GLRA2: variants seen among roughly 807,000 people sequenced by gnomAD.
GLRA2 encodes the protein glycine receptor alpha 2.
GLRA2 carries 11 observed loss-of-function variants against 31.6 expected under a neutral mutation model. That is an observed-to-expected ratio of 0.35 (90% CI 0.22 to 0.58). GLRA2 has a LOEUF of 0.58. GLRA2 is among the 20% of genes least tolerant of loss of function. The pLI, the probability that GLRA2 is intolerant of heterozygous loss-of-function variation, is 0.84. For missense variants in GLRA2, 212 were observed against 351.8 expected, an observed-to-expected ratio of 0.60 and a Z score of 3.18; for synonymous variants, 132 against 134.0, an observed-to-expected ratio of 0.99 and a Z score of 0.10.
At chrX:14,577,323 A>C (rs2089968212) in intron 3 of GLRA2, among the ~76,000 whole-genome samples, 1 of 113,356 alleles carries the variant, frequency 8.8e-6, no homozygotes, top group South Asian at 3.6e-4. Flanking sequence ...CACAGGCCAT[A>C]GGTTGCCAGC....
At chrX:14,453,104 T>G in the GLRA2 span, among the ~76,000 whole-genome samples, 1 of 111,531 alleles carries the variant, frequency 9.0e-6, no homozygotes, top group African/African-American at 3.3e-5. Flanking sequence ...AGGGGATTGG[T>G]TGGAAAAGAG....
chrX:14,579,656 T>C (rs1437095112), intron 3 of GLRA2, among the ~76,000 whole-genome samples: 8 of 111,915 alleles, frequency 7.1e-5, no homozygotes, highest in African/African-American at 2.6e-4. Flanking sequence ...TAAACAAACA[T>C]ATAAGGTGAC....
intron 7 of GLRA2, among the ~76,000 whole-genome samples, chrX:14,636,757 G>A (rs758853501): frequency 9.5e-4 from 106 of 111,424 alleles, no homozygotes; most frequent in Non-Finnish European, 1.8e-3. Context: ...CTAGGTGTGC[G>A]GTTTATGAAA....
intron 2 of GLRA2, among the ~76,000 whole-genome samples, chrX:14,565,741 A>C (rs547761250): frequency 8.9e-6 from 1 of 111,951 alleles, no homozygotes; most frequent in Middle Eastern, 4.7e-3. Flanking sequence ...TACCGTCTTA[A>C]TAAATCAAAG....
the GLRA2 span, among the ~76,000 whole-genome samples, chrX:14,480,376 C>A: frequency 4.5e-5 from 5 of 111,867 alleles, no homozygotes; most frequent in African/African-American, 1.6e-4. Context: ...AATTAGGTCA[C>A]ACTTGTCAAT....
At chrX:14,490,566 C>A in the GLRA2 span, among the ~76,000 whole-genome samples, 1 of 112,397 alleles carries the variant, frequency 8.9e-6, no homozygotes, top group Non-Finnish European at 1.9e-5. Context: ...CGGTTCCATT[C>A]CACAGTTTGC....
intron 7 of GLRA2, among the ~76,000 whole-genome samples, chrX:14,654,557 T>C (rs1222957835): frequency 3.6e-5 from 4 of 112,111 alleles, no homozygotes; most frequent in East Asian, 2.8e-4. Context: ...TTCTGAGGTA[T>C]GCCTGTAGTT....
intron 8 of GLRA2, among the ~76,000 whole-genome samples, chrX:14,706,723 G>T (rs908306334): frequency 8.9e-6 from 1 of 111,973 alleles, no homozygotes; most frequent in East Asian, 2.8e-4. Context: ...GAAATGATCT[G>T]AAATGGCATG....
chrX:14,534,722 G>C (rs963651522), intron 2 of GLRA2, among the ~76,000 whole-genome samples: 4 of 109,884 alleles, frequency 3.6e-5, no homozygotes, highest in African/African-American at 1.3e-4. Context: ...CCAAGACAGA[G>C]AGGAAAAGGT....
At position 14,555,286 on chromosome X, in the gene GLRA2, T is replaced by G. The variant is rs1039171391; in HGVS notation, c.203-19047T>G. On this transcript the variant is annotated intron_variant, in intron 2 of 8. Transcript: ENST00000218075. ...AGTAGCTGATATTTCACATTTACAT[T>G]ATCTCATTCAGTTCTCCCAATGAAC... Among the ~76,000 whole-genome samples the G allele has an allele frequency of 1.5e-4, 17 of 112,201 alleles. 1 individual carries two copies. The highest frequency in any genetic ancestry group is 1.2e-3 in the Admixed American group (13 of 10,623).
chrX:14,544,489 T>C (rs1234095832), intron 2 of GLRA2, among the ~76,000 whole-genome samples: 2 of 111,676 alleles, frequency 1.8e-5, no homozygotes, highest in Admixed American at 9.5e-5. Context: ...TTGCTGAGAA[T>C]AGTTTTTCCA....
rs201192940 is a variant in GLRA2, at chrX:14,568,710, G to GA, written c.203-5619dup. Among the ~76,000 whole-genome samples, 943 of 96,101 alleles carry GA rather than the reference G, an allele frequency of 9.8e-3. 20 individuals carry two copies. The highest frequency in any genetic ancestry group is 0.017 in the African/African-American group (449 of 25,978). The allele number at this position is 96,101 out of a possible 115,157, so 83.5% of individuals were successfully genotyped here. ...TCTGTCTCAAAAAAAAAAAAAAAAA[G>GA]AAAAGAAAAAAAAGAAATAGTGCTG... On this transcript the variant is annotated intron_variant, in intron 2 of 8. Coordinates refer to ENST00000218075, the MANE Select transcript of GLRA2 (RefSeq NM_002063.4).
intron 7 of GLRA2, among the ~76,000 whole-genome samples, chrX:14,659,618 G>C (rs762245492): frequency 4.5e-5 from 5 of 110,853 alleles, no homozygotes; most frequent in Non-Finnish European, 9.4e-5. Context: ...CCCTGAGTCT[G>C]GGGGAAGGCA....
At chrX:14,698,280 C>T (rs2091478364) in intron 8 of GLRA2, among the ~76,000 whole-genome samples, 1 of 111,749 alleles carries the variant, frequency 8.9e-6, no homozygotes, top group African/African-American at 3.3e-5. Flanking sequence ...TGAGGCCTCA[C>T]TTGTTTTCCC....
At chrX:14,484,418 G>A in the GLRA2 span, among the ~76,000 whole-genome samples, 333 of 112,085 alleles carry the variant, frequency 3.0e-3, 1 homozygote, top group African/African-American at 0.01. Flanking sequence ...CAATTTTCAA[G>A]AAACACCAAG....
At position 14,718,576 on chromosome X, in the gene GLRA2, C is replaced by T. The variant is rs181007683; in HGVS notation, c.1081-11631C>T. ...CTACATGATGTCTGACATATTAGCT[C>T]AGACGATTCAAAGACACATGATTAT... On this transcript the variant is annotated intron_variant, in intron 8 of 8. Coordinates refer to ENST00000218075, the MANE Select transcript of GLRA2 (RefSeq NM_002063.4). 4.5e-5 allele frequency among the ~76,000 whole-genome samples: 5 copies of T among 111,971 alleles called. No homozygotes were observed. In the South Asian group the frequency reaches 1.5e-3, roughly 33 times the overall value.
At chrX:14,728,805 C>A (rs138950228) in intron 8 of GLRA2, among the ~76,000 whole-genome samples, 168 of 112,627 alleles carry the variant, frequency 1.5e-3, no homozygotes, top group African/African-American at 5.2e-3. Flanking sequence ...AGAAGCAAAT[C>A]TGTTCTGCCT....
chrX:14,588,868 A>G (rs2090110768), intron 4 of GLRA2, among the ~76,000 whole-genome samples: 1 of 109,893 alleles, frequency 9.1e-6, no homozygotes, highest in Admixed American at 9.7e-5. Context: ...TCTTAATTTT[A>G]CTCTCAGCTG....
rs959790423 is a variant in GLRA2 at position 14,701,377 on chromosome X, A to G, written c.1080+10518A>G. On this transcript the variant is annotated intron_variant, in intron 8 of 8. Coordinates refer to ENST00000218075, the MANE Select transcript of GLRA2 (RefSeq NM_002063.4). ...AGGACTGACTGAAATAAAAATGGGC[A>G]ACCCCTGGTTCAAAAACAATTAAGA... Among the ~76,000 whole-genome samples, 5 of 111,149 alleles carry G rather than the reference A, an allele frequency of 4.5e-5. No individual in the cohort carries two copies. The South Asian group carries it at 1.1e-3, about 25-fold the overall frequency.
Sources: allele counts gnomAD v4.1 joint callset (sites outside exome capture counted in the v4.1 genomes callset), GRCh38; gene constraint gnomAD v4.1.1; transcripts MANE v1.5; gene names NCBI Gene and HGNC (gene_info 2026-07-23, HGNC 2026-07-21).